Variants in NSUN3 observed in about 807,000 individuals in gnomAD.
NSUN3 encodes the protein NOP2/Sun RNA methyltransferase 3, also known as tRNA (cytosine(34)-C(5))-methyltransferase, mitochondrial.
In NSUN3, 24 loss-of-function variants were observed where a neutral mutation model predicts 36.8. The observed-to-expected ratio is 0.65, with a 90% confidence interval of 0.47 to 0.92. The LOEUF (loss-of-function observed/expected upper bound fraction) is 0.92, where lower values mean the gene tolerates loss of function less well. Ranked by LOEUF, NSUN3 falls within the 40% of genes least tolerant of loss-of-function variation. NSUN3 has a pLI of 0.00. For missense variants in NSUN3, 381 were observed against 392.8 expected, an observed-to-expected ratio of 0.97 and a Z score of 0.25; for synonymous variants, 146 against 145.2, an observed-to-expected ratio of 1.01 and a Z score of -0.04.
intron 5 of NSUN3, among the ~76,000 whole-genome samples, chr3:94,098,050 A>G (rs1274853153): frequency 6.6e-6 from 1 of 152,158 alleles, no homozygotes; most frequent in Non-Finnish European, 1.5e-5. Context: ...CTCTTAGGAG[A>G]ATCTTCACCA....
At chr3:94,088,634 ATCC>A (rs2077302285) in intron 3 of NSUN3, among the ~76,000 whole-genome samples, 2 of 148,548 alleles carry the variant, frequency 1.3e-5, no homozygotes, top group Admixed American at 6.7e-5. Context: ...CTTCTGTAGC[ATCC>A]TCCGTTAGTG....
chr3:94,099,293 G>A (rs754612643), intron 5 of NSUN3, among the ~76,000 whole-genome samples: 4 of 151,890 alleles, frequency 2.6e-5, no homozygotes, highest in Non-Finnish European at 5.9e-5. Flanking sequence ...AATCATCATT[G>A]CAAAAATCAT....
Position 94,095,154 on chromosome 3 carries a change from G to A in NSUN3, c.743G>A (p.Arg248Lys), listed in dbSNP as rs1352563867. The A allele has an allele frequency of 3.7e-6, 6 of 1,612,846 alleles. No homozygotes were observed. The African/African-American group carries it at 8.0e-5, about 22-fold the overall frequency. Residue 248 changes from arginine (R) to lysine (K), a missense_variant and splice_region_variant, in exon 5 of 6, where the codon AGG (arginine) becomes AAG (lysine). Arg to Lys is a conservative substitution (Grantham distance 26). Coordinates refer to ENST00000314622, the MANE Select transcript of NSUN3 (RefSeq NM_022072.5). ...NLPLLQIELL[R>K]SAIKALRPGG... The stretch of plus-strand genomic sequence containing the variant: ...CCTCTTCTACAGATAGAGCTGTTAA[G>A]GTAAGGACTGTTAATACAAAAGTGT...
chr3:94,081,118 G>A (rs115302863), intron 2 of NSUN3, among the ~76,000 whole-genome samples: 134 of 152,302 alleles, frequency 8.8e-4, no homozygotes, highest in African/African-American at 3.2e-3. Flanking sequence ...GGAGTGCATG[G>A]TTCCTTAGGC....
intron 2 of NSUN3, among the ~76,000 whole-genome samples, chr3:94,082,876 G>A (rs549034702): frequency 7.2e-5 from 11 of 152,186 alleles, no homozygotes; most frequent in Admixed American, 4.6e-4. Flanking sequence ...GCCACTCATC[G>A]CCTCATTAAC....
intron 5 of NSUN3, among the ~76,000 whole-genome samples, chr3:94,118,531 T>C (rs995886137): frequency 2.0e-5 from 3 of 152,122 alleles, no homozygotes; most frequent in African/African-American, 7.2e-5. Context: ...AGTTAGTGGT[T>C]AGCACAAATA....
rs369273000 is a variant in NSUN3 at position 94,126,435 on chromosome 3, G to T, written c.968G>T (p.Trp323Leu). ...GTGATTCCAGATAAGGGCAAAGCCT[G>T]GGGCCCAATGTATGTAGCCAAATTG... Reference protein sequence around the residue: ...LLVIPDKGKAWGPMYVAKLKK... With the variant: ...LLVIPDKGKALGPMYVAKLKK... Residue 323 changes from tryptophan to leucine, a missense_variant, in exon 6 of 6, where the codon TGG becomes TTG. Trp to Leu is a moderately conservative substitution (Grantham distance 61, BLOSUM62 -2). Transcript: ENST00000314622. The T allele has an allele frequency of 6.2e-7, 1 of 1,613,940 alleles. No individual in the cohort carries two copies. Among genetic ancestry groups the T allele is most frequent in the Non-Finnish European group, 8.5e-7 (1 of 1,179,810 alleles).
At chr3:94,063,337 G>T in intron 1 of NSUN3, 199 bp downstream of exon 1, 2 of 607,558 alleles carry the variant, frequency 3.3e-6, no homozygotes, top group Non-Finnish European at 5.9e-6. Flanking sequence ...CGTCCAGCTC[G>T]CAGACTTCTA....
intron 5 of NSUN3, among the ~76,000 whole-genome samples, chr3:94,102,417 T>C (rs2077369874): frequency 1.3e-5 from 2 of 152,162 alleles, no homozygotes; most frequent in South Asian, 4.1e-4. Flanking sequence ...GTATATGTTT[T>C]CTTTTTAAAG....
chr3:94,096,964 C>G (rs2077344048), intron 5 of NSUN3, among the ~76,000 whole-genome samples: 1 of 152,150 alleles, frequency 6.6e-6, no homozygotes, highest in African/African-American at 2.4e-5. Context: ...TCTTCTCTGT[C>G]TCCTGACAGA....
intron 5 of NSUN3, among the ~76,000 whole-genome samples, chr3:94,107,729 G>A (rs943094607): frequency 5.9e-5 from 9 of 151,980 alleles, no homozygotes; most frequent in African/African-American, 2.2e-4. Flanking sequence ...TGTCTTAATG[G>A]TATTTTGGGG....
At chr3:94,083,357 G>T (rs532433479) in intron 2 of NSUN3, among the ~76,000 whole-genome samples, 1 of 152,314 alleles carries the variant, frequency 6.6e-6, no homozygotes, top group South Asian at 2.1e-4. Context: ...ACACTCCACA[G>T]TGTGAGAATG....
intron 2 of NSUN3, among the ~76,000 whole-genome samples, chr3:94,075,130 A>G (rs1469867161): frequency 6.6e-6 from 1 of 151,994 alleles, no homozygotes; most frequent in African/African-American, 2.4e-5. Flanking sequence ...GGATTAATTT[A>G]ATTTTTAAAA....
intron 3 of NSUN3, 121 bp downstream of exon 3, chr3:94,084,571 C>T: frequency 1.5e-6 from 1 of 687,216 alleles, no homozygotes. Context: ...AGCCTGAAAA[C>T]TGAGATGCTA....
intron 2 of NSUN3, among the ~76,000 whole-genome samples, chr3:94,069,106 G>T (rs527936033): frequency 4.6e-5 from 7 of 152,270 alleles, no homozygotes; most frequent in South Asian, 2.1e-4. Context: ...GTCCAGAGTT[G>T]CATCCTTCCA....
chr3:94,114,750 C>T (rs2077432700), intron 5 of NSUN3, among the ~76,000 whole-genome samples: 2 of 152,184 alleles, frequency 1.3e-5, no homozygotes, highest in Non-Finnish European at 2.9e-5. Flanking sequence ...TTTTTCCACC[C>T]TTACCCCCCT....
In NSUN3 at chr3:94,063,109, A is replaced by T. The variant is rs1238158224; in HGVS notation, c.-18A>T. 1.2e-5 allele frequency: 20 copies of T among 1,613,858 alleles called. No individual in the cohort carries two copies. Among genetic ancestry groups the T allele is most frequent in the Non-Finnish European group, 1.5e-5 (18 of 1,179,974 alleles). Reference sequence around the variant, plus strand: ...CTGATTCGCGTACACCTGTTGTTTGAAAGCTCTCAGCGGGACAATGCTGAC... The same window carrying T: ...CTGATTCGCGTACACCTGTTGTTTGTAAGCTCTCAGCGGGACAATGCTGAC... On this transcript the variant is annotated 5_prime_UTR_variant, in exon 1 of 6. Coordinates refer to ENST00000314622, the MANE Select transcript of NSUN3 (RefSeq NM_022072.5).
intron 5 of NSUN3, among the ~76,000 whole-genome samples, chr3:94,109,976 G>C (rs1440888398): frequency 6.6e-6 from 1 of 152,060 alleles, no homozygotes; most frequent in Admixed American, 6.5e-5. Flanking sequence ...AACTTAAAAA[G>C]GTAATGAAAT....
intron 2 of NSUN3, among the ~76,000 whole-genome samples, chr3:94,079,251 T>C (rs535787177): frequency 6.6e-6 from 1 of 152,344 alleles, no homozygotes; most frequent in African/African-American, 2.4e-5. Flanking sequence ...TGTTGAATAT[T>C]GGCCCCCACT....
Sources: gnomAD v4.1 joint callset for allele counts (sites outside exome capture counted in the v4.1 genomes callset) on GRCh38, gnomAD v4.1.1 for gene constraint, MANE v1.5 for transcripts, NCBI Gene and HGNC (gene_info 2026-07-23, HGNC 2026-07-21) for gene names.